Variants in SLC9A9 observed in about 807,000 individuals in gnomAD.
SLC9A9 encodes solute carrier family 9 member A9.
SLC9A9 carries 62 observed loss-of-function variants against 77.8 expected under a neutral mutation model. The ratio of observed to expected loss-of-function variants is 0.80; its 90% CI spans 0.65 to 0.98. SLC9A9 has a LOEUF of 0.98. Ranked by LOEUF, SLC9A9 falls within the 50% of genes least tolerant of loss-of-function variation. The pLI is 0.00. For missense variants in SLC9A9, 775 were observed against 774.9 expected, an observed-to-expected ratio of 1.00 and a Z score of 0.00; for synonymous variants, 320 against 283.5, an observed-to-expected ratio of 1.13 and a Z score of -1.29.
chr3:143,799,980 C>T (rs958241497), intron 2 of SLC9A9, among the ~76,000 whole-genome samples: 1 of 152,180 alleles, frequency 6.6e-6, no homozygotes, highest in Non-Finnish European at 1.5e-5. Context: ...AACTCTGGTG[C>T]CAACTTAGAC....
intron 14 of SLC9A9, among the ~76,000 whole-genome samples, chr3:143,324,404 C>A (rs999683793): frequency 6.6e-6 from 1 of 152,220 alleles, no homozygotes; most frequent in Non-Finnish European, 1.5e-5. Context: ...CTTCCTCTTA[C>A]TAGTGTGTGA....
At chr3:143,422,689 C>T (rs78059675) in intron 12 of SLC9A9, among the ~76,000 whole-genome samples, 4,277 of 152,218 alleles carry the variant, frequency 0.028, 219 homozygotes, top group African/African-American at 0.098. Flanking sequence ...CCCCAAACTT[C>T]ACCTATACTC....
intron 4 of SLC9A9, among the ~76,000 whole-genome samples, chr3:143,746,583 G>C (rs544573715): frequency 6.6e-6 from 1 of 152,260 alleles, no homozygotes; most frequent in South Asian, 2.1e-4. Flanking sequence ...GAGTTTAGTT[G>C]AAAAGATGAA....
chr3:143,509,478 T>G (rs564740399), intron 9 of SLC9A9, among the ~76,000 whole-genome samples: 7 of 152,214 alleles, frequency 4.6e-5, no homozygotes, highest in Non-Finnish European at 8.8e-5. Context: ...AAAGCCTCTG[T>G]GTTGAAGCTA....
chr3:143,796,921 A>G lies in SLC9A9; in HGVS notation c.379-18T>C. 6.3e-7 allele frequency: 1 copy of G among 1,597,476 alleles called. No individual in the cohort carries two copies. Among genetic ancestry groups the G allele is most frequent in the Admixed American group, 1.7e-5 (1 of 59,838 alleles). ...AATGTCATCTGCCAGAAAGGAAAAA[A>G]AGGATAGTTAGAATGATGCTCCTTT... On this transcript the variant is annotated intron_variant, in intron 2 of 15. Transcript: ENST00000316549.
intron 13 of SLC9A9, among the ~76,000 whole-genome samples, chr3:143,369,383 T>C (rs191871384): frequency 1.9e-3 from 283 of 152,212 alleles, no homozygotes; most frequent in African/African-American, 6.6e-3. Context: ...GGTTAATAGG[T>C]ACAAAATTAC....
chr3:143,524,582 T>C (rs1288124018), intron 9 of SLC9A9, among the ~76,000 whole-genome samples: 1 of 151,962 alleles, frequency 6.6e-6, no homozygotes, highest in Non-Finnish European at 1.5e-5. Context: ...CCCTATAATT[T>C]AATCTACACT....
chr3:143,665,919 C>T (rs941533047), intron 5 of SLC9A9, among the ~76,000 whole-genome samples: 6 of 152,214 alleles, frequency 3.9e-5, no homozygotes, highest in African/African-American at 1.2e-4. Context: ...GGAGCTGGCA[C>T]CATTCCTTCT....
intron 4 of SLC9A9, among the ~76,000 whole-genome samples, chr3:143,772,560 T>A (rs2007559191): frequency 6.6e-6 from 1 of 152,198 alleles, no homozygotes; most frequent in Non-Finnish European, 1.5e-5. Flanking sequence ...GAGAATTTTC[T>A]CTGCCTAGAT....
chr3:143,501,042 T>C (rs1484650794), intron 9 of SLC9A9, among the ~76,000 whole-genome samples: 1 of 150,518 alleles, frequency 6.6e-6, no homozygotes, highest in Non-Finnish European at 1.5e-5. Context: ...ATAATCAATT[T>C]AAAGGAGAAA....
At chr3:143,404,267 G>A (rs1282868304) in intron 12 of SLC9A9, among the ~76,000 whole-genome samples, 1 of 150,956 alleles carries the variant, frequency 6.6e-6, no homozygotes, top group East Asian at 1.9e-4. Context: ...TCTGCCTCCT[G>A]GGTTTGAGTG....
At chr3:143,470,480 C>A (rs1469433618) in intron 11 of SLC9A9, among the ~76,000 whole-genome samples, 222 of 135,704 alleles carry the variant, frequency 1.6e-3, no homozygotes, top group Admixed American at 2.0e-3. Flanking sequence ...AATTCTGGCT[C>A]AAAAAAAAAA....
chr3:143,481,632 C>G (rs1388741027), intron 11 of SLC9A9, among the ~76,000 whole-genome samples: 1 of 152,190 alleles, frequency 6.6e-6, no homozygotes, highest in East Asian at 1.9e-4. Flanking sequence ...ACATGCTTCT[C>G]AAACTTCCAT....
At chr3:143,481,888 T>A (rs1028230243) in intron 11 of SLC9A9, among the ~76,000 whole-genome samples, 1 of 152,214 alleles carries the variant, frequency 6.6e-6, no homozygotes, top group African/African-American at 2.4e-5. Flanking sequence ...TAGGCACTGC[T>A]GAAACAATGA....
intron 13 of SLC9A9, among the ~76,000 whole-genome samples, chr3:143,374,487 C>T (rs534587265): frequency 6.9e-6 from 1 of 145,568 alleles, no homozygotes; most frequent in Non-Finnish European, 1.5e-5. Flanking sequence ...ATGTGATTTT[C>T]AAAGCATTGA....
chr3:143,478,375 A>C (rs1428781722), intron 11 of SLC9A9, among the ~76,000 whole-genome samples: 1 of 152,182 alleles, frequency 6.6e-6, no homozygotes, highest in Non-Finnish European at 1.5e-5. Context: ...CAGGGCACAC[A>C]CTTGCCCTGG....
At chr3:143,626,876 CTTTTT>C (rs61283423) in intron 6 of SLC9A9, 4 of 144,970 alleles carry the variant, frequency 2.8e-5, no homozygotes, top group Non-Finnish European at 6.0e-5. Flanking sequence ...GCACTAGCTC[CTTTTT>C]TTTTTTTTTT....
At chr3:143,839,217 A>G (rs975529392) in intron 1 of SLC9A9, among the ~76,000 whole-genome samples, 1 of 152,170 alleles carries the variant, frequency 6.6e-6, no homozygotes, top group African/African-American at 2.4e-5. Flanking sequence ...GTCACAATTT[A>G]TTGCTCCATA....
chr3:143,381,762 T>C (rs1249483451), intron 13 of SLC9A9, among the ~76,000 whole-genome samples: 1 of 152,190 alleles, frequency 6.6e-6, no homozygotes, highest in Non-Finnish European at 1.5e-5. Flanking sequence ...AGTTGCTGGG[T>C]AGGGATTTGA....
Sources: allele counts gnomAD v4.1 joint callset (sites outside exome capture counted in the v4.1 genomes callset), GRCh38; gene constraint gnomAD v4.1.1; transcripts MANE v1.5; gene names NCBI Gene and HGNC (gene_info 2026-07-23, HGNC 2026-07-21).